RTN1: variants seen among roughly 807,000 people sequenced by gnomAD.
RTN1 encodes the protein reticulon 1.
A neutral mutation model predicts 65.5 loss-of-function variants in RTN1; 25 were observed. That is an observed-to-expected ratio of 0.38 (90% CI 0.28 to 0.53). The LOEUF is 0.53. Among genes scored for constraint, RTN1 ranks in the 20% least tolerant of loss-of-function variants. The pLI is 0.79. For synonymous variants in RTN1, 471 were observed against 447.6 expected (o/e 1.05, Z -0.66); for missense variants, 983 against 1,025.4 (o/e 0.96, Z 0.57).
chr14:59,849,088 T>A lies in RTN1; in HGVS notation c.241+21302A>T, dbSNP rs906448327. 6.6e-6 allele frequency among the ~76,000 whole-genome samples: 1 copy of A among 152,232 alleles called. No individual in the cohort carries two copies. The highest frequency in any genetic ancestry group is 1.5e-5 in the Non-Finnish European group (1 of 68,044). ...AGACTCCTTTTCTATATGTAGTTTA[T>A]GGCCTTGGTTGGAAACAATAGAATT... On this transcript the variant is annotated intron_variant, in intron 1 of 8. Coordinates refer to ENST00000267484, the MANE Select transcript of RTN1 (RefSeq NM_021136.3). The surrounding 1 kb of genome is among the most constrained non-coding windows in gnomAD (Gnocchi z 4.5).
Position 59,687,129 on chromosome 14 carries a change from T to C in RTN1, c.1765+39790A>G, listed in dbSNP as rs553515845. Among the ~76,000 whole-genome samples, 3 of 152,302 alleles carry C rather than the reference T, an allele frequency of 2.0e-5. No homozygotes were observed. In the South Asian group the frequency reaches 6.2e-4, roughly 32 times the overall value. Reference sequence around the variant, plus strand: ...TGAGACTTGTAAGCCAGGGCTAGCTTGGCAACCTGGAACCAGTCTGCACGT... The same window carrying C: ...TGAGACTTGTAAGCCAGGGCTAGCTCGGCAACCTGGAACCAGTCTGCACGT... On this transcript the variant is annotated intron_variant, in intron 3 of 8. Coordinates refer to ENST00000267484, the MANE Select transcript of RTN1 (RefSeq NM_021136.3).
rs1478414107 is a variant in RTN1 at position 59,726,945 on chromosome 14, G to C, written c.1739C>G (p.Pro580Arg). ...PGPLGPGAPP[P>R]LLFLNKQKAI... is the part of the protein sequence containing the mutation. Reference sequence around the variant, plus strand: ...TTTTTGCTTATTGAGAAACAGCAGTGGGGGCGGGGCGCCAGGACCTAGAGG... The same window carrying C: ...TTTTTGCTTATTGAGAAACAGCAGTCGGGGCGGGGCGCCAGGACCTAGAGG... Residue 580 changes from proline to arginine, a missense_variant, in exon 3 of 9, where the codon CCA (proline) becomes CGA (arginine). Around this residue, in one of 2 missense-constraint regions of RTN1, gnomAD observed 818 missense variants for 801.8 expected, o/e 1.02. Coordinates refer to ENST00000267484, the MANE Select transcript of RTN1 (RefSeq NM_021136.3). The C allele has an allele frequency of 6.2e-7, 1 of 1,613,002 alleles. No homozygotes were observed. Among genetic ancestry groups the C allele is most frequent in the East Asian group, 2.2e-5 (1 of 44,832 alleles).
rs766332994 is a variant in RTN1, at chr14:59,610,174, G to T, written c.1766-2682C>A. 1.2e-4 allele frequency: 94 copies of T among 765,108 alleles called. 2 individuals are homozygous for T. The highest frequency in any genetic ancestry group is 1.9e-4 in the Non-Finnish European group (76 of 410,808). The allele number at this position is 765,108 out of a possible 1,614,324, so 47.4% of individuals were successfully genotyped here. A position where few individuals can be genotyped will look rare whatever the true frequency, so the allele number is the denominator to read the frequency against. On this transcript the variant is annotated intron_variant, in intron 3 of 8. Transcript: ENST00000267484. ...AAGCCTCCTAAATCTCCAACCAGGA[G>T]GCCACCTGCTCAAGAAGTCTGTGAA...
intron 8 of RTN1, among the ~76,000 whole-genome samples, chr14:59,599,157 G>A (rs1231869804): frequency 2.6e-5 from 4 of 152,116 alleles, no homozygotes; most frequent in Non-Finnish European, 4.4e-5. Flanking sequence ...TAAAACCCCC[G>A]AGGTATTTTT....
intron 3 of RTN1, among the ~76,000 whole-genome samples, chr14:59,608,877 G>C (rs913678575): frequency 5.9e-5 from 9 of 151,942 alleles, no homozygotes; most frequent in African/African-American, 2.2e-4. Flanking sequence ...GAGTAGGACT[G>C]GTCCTACAAA....
At chr14:59,676,650 G>C (rs950329156) in intron 3 of RTN1, among the ~76,000 whole-genome samples, 1 of 132,216 alleles carries the variant, frequency 7.6e-6, no homozygotes, top group Admixed American at 7.6e-5. Flanking sequence ...GCAAAGAGTA[G>C]CTCTGCTAAC....
intron 3 of RTN1, chr14:59,630,939 G>T (rs909391242): frequency 3.0e-6 from 2 of 656,530 alleles, no homozygotes; most frequent in African/African-American, 3.9e-5. Context: ...CCCAGAATAT[G>T]CGAGGTGCAT....
chr14:59,706,188 G>T (rs1884290205), intron 3 of RTN1, among the ~76,000 whole-genome samples: 1 of 152,102 alleles, frequency 6.6e-6, no homozygotes, highest in Admixed American at 6.6e-5. Flanking sequence ...AACTTTGTTT[G>T]CAGTATCATT....
In RTN1 at chr14:59,763,566, C is replaced by T. The variant is rs1261816846; in HGVS notation, c.242-17085G>A. Among the ~76,000 whole-genome samples, 6 of 145,908 alleles carry T rather than the reference C, an allele frequency of 4.1e-5. No individual in the cohort carries two copies. The East Asian group carries it at 1.0e-3, about 24-fold the overall frequency. ...TTTTTTTTTTGAGACAGAGTCTCGC[C>T]CTGTTGCCCAGGCTGGAGTGCAGTG... On this transcript the variant is annotated intron_variant, in intron 1 of 8. Transcript: ENST00000267484.
chr14:59,706,113 T>C (rs1354125810), intron 3 of RTN1, among the ~76,000 whole-genome samples: 2 of 152,236 alleles, frequency 1.3e-5, no homozygotes, highest in African/African-American at 4.8e-5. Context: ...TCCATGCTCA[T>C]GACACCACAC....
intron 1 of RTN1, among the ~76,000 whole-genome samples, chr14:59,785,823 G>A (rs1165995146): frequency 6.6e-6 from 1 of 152,136 alleles, no homozygotes; most frequent in African/African-American, 2.4e-5. Context: ...ATTCACCCAT[G>A]AAGATTAATA....
intron 1 of RTN1, among the ~76,000 whole-genome samples, chr14:59,784,443 GAAA>G (rs200051471): frequency 7.9e-6 from 1 of 126,990 alleles, no homozygotes; most frequent in African/African-American, 2.7e-5. Context: ...CTCCGTCTCA[GAAA>G]AAAAAAAAAA....
At chr14:59,742,469 C>T (rs1057495174) in intron 2 of RTN1, among the ~76,000 whole-genome samples, 1 of 152,128 alleles carries the variant, frequency 6.6e-6, no homozygotes, top group African/African-American at 2.4e-5. Flanking sequence ...TAACAATTCT[C>T]ACCTCTCCAC....
chr14:59,831,023 AG>A (rs951645345), intron 1 of RTN1, among the ~76,000 whole-genome samples: 5 of 152,202 alleles, frequency 3.3e-5, no homozygotes, highest in Non-Finnish European at 5.9e-5. Flanking sequence ...TAAAAGTTAA[AG>A]GTATCAGTTA....
intron 1 of RTN1, among the ~76,000 whole-genome samples, chr14:59,750,287 T>TA (rs1420144322): frequency 1.9e-4 from 13 of 67,400 alleles, no homozygotes; most frequent in Admixed American, 2.7e-4. Context: ...ATATAATATA[T>TA]ATAATATCTA....
At chr14:59,750,774 G>T (rs1357144652) in intron 1 of RTN1, among the ~76,000 whole-genome samples, 1 of 125,326 alleles carries the variant, frequency 8.0e-6, no homozygotes, top group Non-Finnish European at 1.6e-5. Flanking sequence ...GTGCAGTGTG[G>T]CATGATCTTG....
intron 1 of RTN1, among the ~76,000 whole-genome samples, chr14:59,800,774 A>G (rs1199496703): frequency 1.3e-5 from 2 of 152,234 alleles, no homozygotes; most frequent in Non-Finnish European, 2.9e-5. Context: ...AATCAAACTC[A>G]GAGGTGACAC....
At chr14:59,616,133 A>G (rs1042677737) in intron 3 of RTN1, among the ~76,000 whole-genome samples, 24 of 152,208 alleles carry the variant, frequency 1.6e-4, no homozygotes, top group African/African-American at 5.8e-4. Context: ...AGCATTGTCA[A>G]ATATGAAATG....
Position 59,658,847 on chromosome 14 carries a change from T to C in RTN1, c.1766-51355A>G, listed in dbSNP as rs553354097. On this transcript the variant is annotated intron_variant, in intron 3 of 8. Coordinates refer to ENST00000267484, the MANE Select transcript of RTN1 (RefSeq NM_021136.3). ...TTCTCCTCCAAAGGATCACAACTCT[T>C]GGCCAGCAAAGGAACAAAACTGGAC... is the stretch of plus-strand genomic sequence containing the variant. 1.8e-4 allele frequency among the ~76,000 whole-genome samples: 28 copies of C among 152,248 alleles called. No homozygotes were observed. The South Asian group carries it at 5.6e-3, about 30-fold the overall frequency.
Sources: allele counts gnomAD v4.1 joint callset (sites outside exome capture counted in the v4.1 genomes callset), GRCh38; gene constraint gnomAD v4.1.1; regional missense constraint gnomAD v4.1.1; non-coding constraint Gnocchi (gnomAD v3.1); transcripts MANE v1.5; gene names NCBI Gene and HGNC (gene_info 2026-07-23, HGNC 2026-07-21).